Variants in NLRC5 observed in about 807,000 individuals in gnomAD.
NLRC5 encodes NLR family CARD domain containing 5.
Under a neutral mutation model 206.9 loss-of-function variants are expected in NLRC5, and 114 were observed. The observed-to-expected ratio is 0.55, with a 90% CI of 0.47 to 0.64. The LOEUF (loss-of-function observed/expected upper bound fraction) is 0.64. Among genes scored for constraint, NLRC5 ranks in the 30% least tolerant of loss-of-function variants. The pLI, the probability that NLRC5 is intolerant of heterozygous loss-of-function variation, is 0.00. For missense variants in NLRC5, 2,008 were observed against 2,305.5 expected (o/e 0.87, Z 2.64); for synonymous variants, 952 against 962.8 (o/e 0.99, Z 0.21).
chr16:57,076,097 G>T, intron 39 of NLRC5: 1 of 175,574 alleles, frequency 5.7e-6, no homozygotes, highest in South Asian at 7.9e-5. Flanking sequence ...TATATTTTTA[G>T]TACAAATGGG....
chr16:57,057,185 C>T (rs1020167755), intron 27 of NLRC5, among the ~76,000 whole-genome samples: 2 of 152,110 alleles, frequency 1.3e-5, no homozygotes, highest in East Asian at 3.9e-4. Context: ...CTTTGGGAGG[C>T]CAAAGCGGGT....
At chr16:57,019,021 A>G (rs2060378479) in intron 2 of NLRC5, among the ~76,000 whole-genome samples, 1 of 152,264 alleles carries the variant, frequency 6.6e-6, no homozygotes, top group South Asian at 2.1e-4. Context: ...TACTGAATCA[A>G]AGGAACTGCA....
intron 21 of NLRC5, 150 bp downstream of exon 21, chr16:57,045,642 A>G (rs2063847778): frequency 1.5e-6 from 1 of 672,864 alleles, no homozygotes; most frequent in Non-Finnish European, 2.7e-6. Flanking sequence ...CCACTTCAGT[A>G]ACCACCGCCC....
In NLRC5 at chr16:57,026,595, C is replaced by G; in HGVS notation, c.1652C>G (p.Thr551Ser). 6.2e-7 allele frequency: 1 copy of G among 1,614,194 alleles called. No homozygotes were observed. Among genetic ancestry groups the G allele is most frequent in the Non-Finnish European group, 8.5e-7 (1 of 1,180,032 alleles). Residue 551 changes from threonine to serine, a missense_variant, in exon 6 of 49, where the codon ACC (threonine) becomes AGC (serine). Physicochemically the swap from Thr to Ser is moderately conservative, Grantham distance 58. Coordinates refer to ENST00000688547, the MANE Select transcript of NLRC5 (RefSeq NM_001384950.1). ...VTLHSRWVQR[T>S]KARLGLSDHL... The stretch of plus-strand genomic sequence containing the variant: ...CTCCATTCCCGCTGGGTACAGCGGA[C>G]CAAAGCTAGACTGGGCCTCTCAGAC...
intron 26 of NLRC5, 58 bp from the exon 27 acceptor site, chr16:57,055,375 A>C: frequency 6.6e-7 from 1 of 1,522,374 alleles, no homozygotes; most frequent in South Asian, 1.1e-5. Flanking sequence ...GCCAGGCCGG[A>C]GGGGGTCTCA....
At position 57,032,797 on chromosome 16, in the gene NLRC5, A is replaced by G. The variant is rs142875240; in HGVS notation, c.2478-807A>G. 4.7e-3 allele frequency among the ~76,000 whole-genome samples: 696 copies of G among 147,618 alleles called. 7 individuals carry two copies. The highest frequency in any genetic ancestry group is 0.016 in the African/African-American group (654 of 40,048). ...GATCGCTTGAAGCTAGGAGTTCAAG[A>G]CCAGCCTGGGCAACAAAGTGAGACC... is the stretch of plus-strand genomic sequence containing the variant. On this transcript the variant is annotated intron_variant, in intron 11 of 48. Transcript: ENST00000688547.
chr16:57,048,852 G>A (rs1345563216), intron 23 of NLRC5, among the ~76,000 whole-genome samples: 1 of 152,008 alleles, frequency 6.6e-6, no homozygotes, highest in Non-Finnish European at 1.5e-5. Flanking sequence ...CCCTATTAAT[G>A]GCAATTCCTT....
At chr16:57,077,891 G>C in intron 42 of NLRC5, 52 bp from the exon 43 acceptor site, 1 of 1,607,840 alleles carries the variant, frequency 6.2e-7, no homozygotes, top group Non-Finnish European at 8.5e-7. Flanking sequence ...GCAGGGCGGG[G>C]GTCCCGAGTG....
chr16:56,998,031 C>A (rs1161586537), intron 1 of NLRC5, among the ~76,000 whole-genome samples: 1 of 152,006 alleles, frequency 6.6e-6, no homozygotes, highest in Admixed American at 6.6e-5. Flanking sequence ...GTCAGTGAGA[C>A]CCAAAACCAA....
At chr16:57,074,564 C>A (rs746481384) in intron 38 of NLRC5, 36 bp from the exon 39 acceptor site, 3 of 1,600,758 alleles carry the variant, frequency 1.9e-6, no homozygotes, top group East Asian at 2.2e-5. Context: ...TGCCCCACCC[C>A]CAGATGTCAA....
chr16:57,026,910 A>G lies in NLRC5; in HGVS notation c.1967A>G (p.Asn656Ser). 1.2e-6 allele frequency: 2 copies of G among 1,614,152 alleles called. No individual in the cohort carries two copies. The highest frequency in any genetic ancestry group is 1.7e-6 in the Non-Finnish European group (2 of 1,180,030). The change falls in exon 6 of 49, where the codon AAC becomes AGC. Residue 656 changes from asparagine (N) to serine (S), a missense_variant. By Grantham distance (46) the Asn-to-Ser change is conservative. Transcript: ENST00000688547. Reference sequence around the variant, plus strand: ...TGCACCGACCTGGCCACCCTGACCAACATCCTAGAGCACAGGGAGGCCCCC... The same window carrying G: ...TGCACCGACCTGGCCACCCTGACCAGCATCCTAGAGCACAGGGAGGCCCCC... ...LTCTDLATLT[N>S]ILEHREAPIH...
At chr16:57,022,885 C>T (rs2060831512) in intron 4 of NLRC5, among the ~76,000 whole-genome samples, 1 of 152,226 alleles carries the variant, frequency 6.6e-6, no homozygotes, top group African/African-American at 2.4e-5. Flanking sequence ...CAACAGAAAA[C>T]CCACCCTATA....
rs553887807 is a variant in NLRC5, at chr16:57,005,251, C to A, written c.-127-11823C>A. On this transcript the variant is annotated intron_variant, in intron 1 of 48. Coordinates refer to ENST00000688547, the MANE Select transcript of NLRC5 (RefSeq NM_001384950.1). ...ACTTTATGCATTTGAATATCGTGAA[C>A]CTTGTAATTCATATGCAATATAAAA... Among the ~76,000 whole-genome samples, 6 of 152,258 alleles carry A rather than the reference C, an allele frequency of 3.9e-5. No homozygotes were observed. In the East Asian group the frequency reaches 1.2e-3, roughly 29 times the overall value.
At position 57,027,032 on chromosome 16, in the gene NLRC5, G is replaced by C; in HGVS notation, c.2075+14G>C. ...AGAGAATCTCAGGTGAGTAAGAGTG[G>C]AGGAGGACCGGGGAGGGGATTGGGC... On this transcript the variant is annotated intron_variant, in intron 6 of 48. Coordinates refer to ENST00000688547, the MANE Select transcript of NLRC5 (RefSeq NM_001384950.1). The C allele has an allele frequency of 6.2e-7, 1 of 1,607,126 alleles. No individual in the cohort carries two copies. The highest frequency in any genetic ancestry group is 8.5e-7 in the Non-Finnish European group (1 of 1,175,380).
At position 57,082,404 on chromosome 16, in the gene NLRC5, C is replaced by T. The variant is rs1597478345; in HGVS notation, c.5490-13C>T. 1.3e-6 allele frequency: 2 copies of T among 1,594,382 alleles called. No individual in the cohort carries two copies. The highest frequency in any genetic ancestry group is 1.7e-6 in the Non-Finnish European group (2 of 1,164,502). ...TGGGAGGATGAATGAGTGCCTATAT[C>T]TGTGCCCCACAGCCTCTGGAATAAC... On this transcript the variant is annotated splice_polypyrimidine_tract_variant and intron_variant, in intron 48 of 48. Coordinates refer to ENST00000688547, the MANE Select transcript of NLRC5 (RefSeq NM_001384950.1).
At chr16:57,002,528 A>G (rs7499911) in intron 1 of NLRC5, among the ~76,000 whole-genome samples, 6,790 of 152,244 alleles carry the variant, frequency 0.045, 248 homozygotes, top group South Asian at 0.16. Context: ...CAGTGCTGTC[A>G]TAAACATAGT....
chr16:57,030,614 A>AGATGGATGGATGGATGGAAG (rs2061760991), intron 10 of NLRC5, among the ~76,000 whole-genome samples: 1 of 141,138 alleles, frequency 7.1e-6, no homozygotes, highest in South Asian at 2.4e-4. Context: ...GTGTGTGAAA[A>AGATGGATGGATGGATGGAAG]GATGGATGGA....
intron 15 of NLRC5, among the ~76,000 whole-genome samples, chr16:57,037,773 A>G (rs1361565279): frequency 6.6e-6 from 1 of 152,136 alleles, no homozygotes; most frequent in African/African-American, 2.4e-5. Context: ...AGGGAACCCA[A>G]TCCTATTTCT....
Position 57,069,734 on chromosome 16 carries a change from C to T in NLRC5, c.4500-102C>T, listed in dbSNP as rs1389153710. On this transcript the variant is annotated intron_variant, in intron 36 of 48. Coordinates refer to ENST00000688547, the MANE Select transcript of NLRC5 (RefSeq NM_001384950.1). ...GAAGGAGGTCTCCTCACATTGCCCG[C>T]CACATCCCTACCCCACATCCTTGCC... 8.9e-6 allele frequency: 8 copies of T among 903,346 alleles called. No homozygotes were observed. In the African/African-American group the frequency reaches 1.3e-4, roughly 15 times the overall value. 56.0% of individuals were successfully genotyped at this position (903,346 alleles called of 1,614,324 possible). A position where few individuals can be genotyped will look rare whatever the true frequency, so the allele number is the denominator to read the frequency against.
Sources: gnomAD v4.1 joint callset for allele counts (sites outside exome capture counted in the v4.1 genomes callset) on GRCh38, gnomAD v4.1.1 for gene constraint, MANE v1.5 for transcripts, NCBI Gene and HGNC (gene_info 2026-07-23, HGNC 2026-07-21) for gene names.